CEP162: variants seen among roughly 807,000 people sequenced by gnomAD.
CEP162 encodes centrosomal protein of 162 kDa.
In CEP162, 141 loss-of-function variants were observed where a neutral mutation model predicts 169.2. The ratio of observed to expected loss-of-function variants is 0.83; its 90% CI spans 0.73 to 0.96. The LOEUF is 0.96. CEP162 is among the 40% of genes least tolerant of loss of function. The pLI, the probability that CEP162 is intolerant of heterozygous loss-of-function variation, is 0.00. For missense variants in CEP162, 1,600 were observed against 1,587.2 expected, an observed-to-expected ratio of 1.01 and a Z score of -0.14; for synonymous variants, 540 against 526.4, an observed-to-expected ratio of 1.03 and a Z score of -0.35.
chr6:84,184,882 GT>G (rs2099536421), intron 13 of CEP162, among the ~76,000 whole-genome samples: 1 of 151,800 alleles, frequency 6.6e-6, no homozygotes, highest in East Asian at 2.0e-4. Context: ...TAAACTCCCA[GT>G]TTTCCCCCAA....
chr6:84,220,856 GATA>G (rs1293804514), intron 3 of CEP162, among the ~76,000 whole-genome samples, 198 bp downstream of exon 3: 3 of 151,976 alleles, frequency 2.0e-5, no homozygotes, highest in African/African-American at 7.3e-5. Context: ...AAAATAAGCT[GATA>G]ATGTTATAAC....
In CEP162 at chr6:84,196,924, G is replaced by C. The variant is rs116774050; in HGVS notation, c.836-1849C>G. 3.4e-3 allele frequency among the ~76,000 whole-genome samples: 524 copies of C among 152,314 alleles called. 3 individuals are homozygous for C. The highest frequency in any genetic ancestry group is 0.012 in the African/African-American group (482 of 41,564). ...AAGAGGATACTGCTAAGGAAGAACT[G>C]TCAACAGTTGAAGGGCAGAGATTTT... On this transcript the variant is annotated intron_variant, in intron 9 of 26. Coordinates refer to ENST00000403245, the MANE Select transcript of CEP162 (RefSeq NM_014895.4).
At chr6:84,193,086 G>A (rs1042168646) in intron 11 of CEP162, among the ~76,000 whole-genome samples, 2 of 152,238 alleles carry the variant, frequency 1.3e-5, no homozygotes, top group African/African-American at 2.4e-5. Context: ...AAGCAACGCT[G>A]TCTATTACAA....
intron 12 of CEP162, among the ~76,000 whole-genome samples, chr6:84,185,803 A>G (rs557159187): frequency 2.0e-4 from 31 of 152,280 alleles, no homozygotes; most frequent in Non-Finnish European, 1.5e-5. Flanking sequence ...ATTTTTATTA[A>G]TACCTTGCCT....
chr6:84,225,817 T>A (rs142168679), intron 2 of CEP162, among the ~76,000 whole-genome samples: 8 of 152,182 alleles, frequency 5.3e-5, no homozygotes, highest in African/African-American at 1.9e-4. Flanking sequence ...AGTGGTGATA[T>A]TTAAGTTAAG....
At chr6:84,226,841 G>A (rs760903670) in intron 1 of CEP162, among the ~76,000 whole-genome samples, 1 of 152,134 alleles carries the variant, frequency 6.6e-6, no homozygotes, top group Non-Finnish European at 1.5e-5. Flanking sequence ...CAAAGCACAC[G>A]ACAGTTTGTG....
chr6:84,208,030 T>G (rs1023718696), intron 6 of CEP162, among the ~76,000 whole-genome samples: 14 of 151,278 alleles, frequency 9.3e-5, no homozygotes, highest in African/African-American at 3.4e-4. Flanking sequence ...TTTTTTTTTT[T>G]TTTTTTTGTC....
chr6:84,156,208 C>T (rs1021642543), intron 21 of CEP162, among the ~76,000 whole-genome samples: 1 of 152,262 alleles, frequency 6.6e-6, no homozygotes, highest in East Asian at 1.9e-4. Flanking sequence ...TCACACCTCT[C>T]ACTTTATACA....
chr6:84,126,304 T>C, intron 26 of CEP162, 74 bp downstream of exon 26: 1 of 1,131,568 alleles, frequency 8.8e-7, no homozygotes, highest in South Asian at 2.5e-5. Flanking sequence ...TTGCTAGGGA[T>C]GACAAAACTA....
At position 84,124,888 on chromosome 6, in the gene CEP162, A is replaced by C. The variant is rs1003728809; in HGVS notation, c.*182T>G. The C allele has an allele frequency of 4.0e-5, 24 of 605,518 alleles. No individual in the cohort carries two copies. Among genetic ancestry groups the C allele is most frequent in the Non-Finnish European group, 6.8e-5 (24 of 350,650 alleles). 37.5% of individuals were successfully genotyped at this position (605,518 alleles called of 1,614,324 possible). A position where few individuals can be genotyped will look rare whatever the true frequency, so the allele number is the denominator to read the frequency against. Reference sequence around the variant, plus strand: ...AGACTGGTTAATGATTTTTAGTAAAATACACCATTATATGTTTTTTTTCTT... The same window carrying C: ...AGACTGGTTAATGATTTTTAGTAAACTACACCATTATATGTTTTTTTTCTT... On this transcript the variant is annotated 3_prime_UTR_variant, in exon 27 of 27. Transcript: ENST00000403245.
intron 9 of CEP162, among the ~76,000 whole-genome samples, chr6:84,199,286 C>T (rs991009597): frequency 1.3e-5 from 2 of 151,728 alleles, no homozygotes; most frequent in Admixed American, 6.6e-5. Context: ...TAATGTGTCT[C>T]GATGGGAAAA....
At chr6:84,167,537 G>A (rs1228441314) in intron 18 of CEP162, among the ~76,000 whole-genome samples, 2 of 152,124 alleles carry the variant, frequency 1.3e-5, no homozygotes, top group Non-Finnish European at 2.9e-5. Flanking sequence ...ATTTTGCATT[G>A]TGAGCAAATC....
intron 20 of CEP162, 132 bp downstream of exon 20, chr6:84,161,614 C>G (rs2099525812): frequency 2.8e-6 from 2 of 717,440 alleles, no homozygotes; most frequent in South Asian, 1.9e-5. Flanking sequence ...TATCTAAAAG[C>G]AAACCACCGA....
intron 18 of CEP162, among the ~76,000 whole-genome samples, chr6:84,167,462 G>C (rs987840467): frequency 1.3e-5 from 2 of 151,984 alleles, no homozygotes; most frequent in African/African-American, 4.8e-5. Flanking sequence ...ATTCTATTGG[G>C]GTTCTAATCC....
intron 21 of CEP162, among the ~76,000 whole-genome samples, chr6:84,156,773 A>ACAC (rs57139625): frequency 0.014 from 1,932 of 137,388 alleles, 25 homozygotes; most frequent in African/African-American, 0.034. Flanking sequence ...CACACACACA[A>ACAC]ACACACTATT....
Position 84,132,201 on chromosome 6 carries a change from T to C in CEP162, c.3871-5689A>G, listed in dbSNP as rs550143648. 2.6e-5 allele frequency among the ~76,000 whole-genome samples: 4 copies of C among 152,344 alleles called. No individual in the cohort carries two copies. In the South Asian group the frequency reaches 8.3e-4, roughly 32 times the overall value. On this transcript the variant is annotated intron_variant, in intron 25 of 26. Transcript: ENST00000403245. ...CTCTTCTGGCTTGTAGAGTTTCTGC[T>C]GAGAGATCTGCTGTTAGTCTGATGG...
In CEP162 at chr6:84,153,212, C is replaced by T. The variant is rs572733572; in HGVS notation, c.2995-33G>A. 5.1e-6 allele frequency: 8 copies of T among 1,557,828 alleles called. No individual in the cohort carries two copies. The Admixed American group carries it at 1.4e-4, about 28-fold the overall frequency. ...AAAGAATCCATGTAATGCCAAACACCTGTTAAACGTTTCATTAGTTGCTGA... is the reference window on the plus strand; with the variant it reads ...AAAGAATCCATGTAATGCCAAACACTTGTTAAACGTTTCATTAGTTGCTGA... On this transcript the variant is annotated intron_variant, in intron 22 of 26. Transcript: ENST00000403245.
intron 20 of CEP162, among the ~76,000 whole-genome samples, 188 bp downstream of exon 20, chr6:84,161,558 A>G (rs879572530): frequency 2.6e-5 from 4 of 152,188 alleles, no homozygotes; most frequent in Non-Finnish European, 5.9e-5. Flanking sequence ...ACAGGTTGTG[A>G]TAAGGAGCTT....
intron 21 of CEP162, 69 bp downstream of exon 21, chr6:84,160,734 GAACTCCTGA>G (rs777453785): frequency 3.6e-6 from 3 of 840,680 alleles, no homozygotes; most frequent in Non-Finnish European, 6.0e-6. Context: ...CATCTCATGG[GAACTCCTGA>G]AACAAAAGAG....
Sources: gnomAD v4.1 joint callset for allele counts (sites outside exome capture counted in the v4.1 genomes callset) on GRCh38, gnomAD v4.1.1 for gene constraint, MANE v1.5 for transcripts, NCBI Gene and HGNC (gene_info 2026-07-23, HGNC 2026-07-21) for gene names.